Variants in MAD1L1 observed in about 807,000 individuals in gnomAD.
MAD1L1 encodes mitotic arrest deficient 1 like 1, also known as mitotic spindle assembly checkpoint protein MAD1.
In MAD1L1, 95 loss-of-function variants were observed where a neutral mutation model predicts 96.9. The observed-to-expected ratio is 0.98, with a 90% CI of 0.83 to 1.16. The LOEUF (loss-of-function observed/expected upper bound fraction) is 1.16, where lower values mean the gene tolerates loss of function less well. MAD1L1 is among the 50% of genes most tolerant of loss of function. The pLI is 0.00. For synonymous variants in MAD1L1, 473 were observed against 396.6 expected, an observed-to-expected ratio of 1.19 and a Z score of -2.29; for missense variants, 1,007 against 954.4, an observed-to-expected ratio of 1.06 and a Z score of -0.73.
chr7:2,013,054 TTA>T (rs1782372904), intron 13 of MAD1L1, among the ~76,000 whole-genome samples: 1 of 152,202 alleles, frequency 6.6e-6, no homozygotes, highest in Non-Finnish European at 1.5e-5. Flanking sequence ...CCCACATGAA[TTA>T]TGTTTGTTCA....
intron 11 of MAD1L1, among the ~76,000 whole-genome samples, chr7:2,100,089 T>C (rs758484072): frequency 1.3e-5 from 2 of 152,236 alleles, no homozygotes; most frequent in Non-Finnish European, 2.9e-5. Flanking sequence ...TACCTGTTGA[T>C]GGATAAGGAC....
chr7:1,912,283 G>C (rs534679006), intron 17 of MAD1L1, among the ~76,000 whole-genome samples: 1 of 152,332 alleles, frequency 6.6e-6, no homozygotes, highest in Admixed American at 6.5e-5. Flanking sequence ...ACAGCAAATG[G>C]GGGCATGTGT....
At chr7:2,206,935 G>A (rs1792624883) in intron 10 of MAD1L1, among the ~76,000 whole-genome samples, 4 of 152,102 alleles carry the variant, frequency 2.6e-5, no homozygotes, top group Admixed American at 2.6e-4. Context: ...ACAAAAATTA[G>A]CCAAGCATGG....
chr7:1,916,626 A>T (rs1002493276), intron 17 of MAD1L1, among the ~76,000 whole-genome samples: 1 of 152,176 alleles, frequency 6.6e-6, no homozygotes, highest in African/African-American at 2.4e-5. Context: ...CAGGCCCTGC[A>T]AGGGAGTCAG....
At chr7:2,231,628 A>T (rs900840832) in intron 1 of MAD1L1, among the ~76,000 whole-genome samples, 27 of 150,890 alleles carry the variant, frequency 1.8e-4, no homozygotes, top group South Asian at 1.0e-3. Context: ...ATAATTAATT[A>T]AAAAAAAAAT....
chr7:2,076,237 G>C (rs932723821), intron 11 of MAD1L1, among the ~76,000 whole-genome samples: 11 of 152,230 alleles, frequency 7.2e-5, no homozygotes, highest in African/African-American at 2.7e-4. Context: ...GTCGTCCCAA[G>C]TTCACCTGTG....
At chr7:1,834,105 G>A (rs1031764974) in intron 18 of MAD1L1, among the ~76,000 whole-genome samples, 1 of 152,134 alleles carries the variant, frequency 6.6e-6, no homozygotes, top group African/African-American at 2.4e-5. Flanking sequence ...AAATCAAAAG[G>A]GAGGTTAGTT....
At chr7:1,901,184 GC>G (rs1787221350) in intron 17 of MAD1L1, among the ~76,000 whole-genome samples, 1 of 152,222 alleles carries the variant, frequency 6.6e-6, no homozygotes, top group South Asian at 2.1e-4. Context: ...GATCAAGCCA[GC>G]GTTCTGACCC....
intron 18 of MAD1L1, 185 bp downstream of exon 18, chr7:1,898,015 T>C (rs1438165810): frequency 1.5e-6 from 1 of 649,032 alleles, no homozygotes; most frequent in African/African-American, 1.8e-5. Context: ...CACATAGGGT[T>C]GGCCCAAGGC....
intron 10 of MAD1L1, among the ~76,000 whole-genome samples, chr7:2,165,614 C>T (rs981899945): frequency 1.5e-5 from 2 of 137,070 alleles, no homozygotes; most frequent in Admixed American, 1.4e-4. Flanking sequence ...GACTCTGCGC[C>T]GTGTTTCACT....
In MAD1L1 at chr7:1,855,180, C is replaced by G. The variant is rs545287282; in HGVS notation, c.1999-38952G>C. ...AGTCCAAGTCGACAGCCTCCCTCAT[C>G]CTTCCCGTCTCCCTCCTCTTTGGTT... On this transcript the variant is annotated intron_variant, in intron 18 of 18. Transcript: ENST00000265854. Among the ~76,000 whole-genome samples, 8 of 152,278 alleles carry G rather than the reference C, an allele frequency of 5.3e-5. No homozygotes were observed. The East Asian group carries it at 1.5e-3, about 29-fold the overall frequency.
chr7:2,069,209 G>T lies in MAD1L1; in HGVS notation c.1203C>A (p.Val401=). 1.9e-6 allele frequency: 3 copies of T among 1,601,242 alleles called. No individual in the cohort carries two copies. The highest frequency in any genetic ancestry group is 2.6e-6 in the Non-Finnish European group (3 of 1,174,422). ...CATACATCACCTTGGTGAGCAGCAG[G>T]ACCCGTTTCTGGAGCCTCCGGGCCA... is the stretch of plus-strand genomic sequence containing the variant. ...EALARRLQKR[V]LLLTKERDGM... Residue 401 remains valine, a synonymous_variant, in exon 12 of 19, where the codon GTC becomes GTA. Transcript: ENST00000265854.
intron 14 of MAD1L1, among the ~76,000 whole-genome samples, chr7:1,999,171 A>G (rs1429553191): frequency 6.6e-6 from 1 of 152,232 alleles, no homozygotes; most frequent in African/African-American, 2.4e-5. Flanking sequence ...TAAACAATAC[A>G]GTTACAATGG....
At chr7:1,988,649 C>T (rs936147832) in intron 14 of MAD1L1, among the ~76,000 whole-genome samples, 9 of 152,204 alleles carry the variant, frequency 5.9e-5, no homozygotes, top group African/African-American at 2.2e-4. Context: ...TCCAGGGTGG[C>T]CCAGGCGCAC....
intron 10 of MAD1L1, among the ~76,000 whole-genome samples, chr7:2,209,536 C>A (rs1037641962): frequency 1.6e-4 from 25 of 152,226 alleles, no homozygotes; most frequent in African/African-American, 5.8e-4. Flanking sequence ...CCCCTCACAT[C>A]CCCATCGACC....
At chr7:2,080,093 GGCAGCAGGCGGGTGGGCCA>G (rs1395315980) in intron 11 of MAD1L1, 2 of 199,470 alleles carry the variant, frequency 1.0e-5, no homozygotes, top group Non-Finnish European at 2.1e-5. Flanking sequence ...CCAACAGGCA[GGCAGCAGGCGGGTGGGCCA>G]GCCTCGAGGC....
intron 12 of MAD1L1, among the ~76,000 whole-genome samples, chr7:2,020,932 A>G (rs1398068861): frequency 1.3e-5 from 2 of 152,234 alleles, no homozygotes; most frequent in African/African-American, 2.4e-5. Context: ...ATGAAAAAAA[A>G]CAAAACAACA....
In MAD1L1 at chr7:2,076,818, C is replaced by T. The variant is rs531454745; in HGVS notation, c.1074-7480G>A. ...CACAGTGAGCCTGAGATGGTTACGACACGATGAGCCCGCAGCACGGTCAGC... is the reference window on the plus strand; with the variant it reads ...CACAGTGAGCCTGAGATGGTTACGATACGATGAGCCCGCAGCACGGTCAGC... On this transcript the variant is annotated intron_variant, in intron 11 of 18. Transcript: ENST00000265854. Among the ~76,000 whole-genome samples, 4 of 149,068 alleles carry T rather than the reference C, an allele frequency of 2.7e-5. No homozygotes were observed. In the East Asian group the frequency reaches 8.0e-4, roughly 30 times the overall value.
At chr7:1,945,316 G>A (rs778089658) in intron 16 of MAD1L1, among the ~76,000 whole-genome samples, 9 of 152,240 alleles carry the variant, frequency 5.9e-5, no homozygotes, top group Non-Finnish European at 1.0e-4. Flanking sequence ...GGACTATCCC[G>A]GCACAGGCTC....
Sources: allele counts gnomAD v4.1 joint callset (sites outside exome capture counted in the v4.1 genomes callset), GRCh38; gene constraint gnomAD v4.1.1; transcripts MANE v1.5; gene names NCBI Gene and HGNC (gene_info 2026-07-23, HGNC 2026-07-21).